The following GMPS variants were observed in gnomAD, a reference collection of about 807,000 sequenced individuals.
GMPS encodes the protein GMP synthase [glutamine-hydrolyzing].
Under a neutral mutation model 77.9 loss-of-function variants are expected in GMPS, and 15 were observed. The ratio of observed to expected loss-of-function variants is 0.19; its 90% CI spans 0.13 to 0.30. The LOEUF is 0.30. GMPS is among the 10% of genes least tolerant of loss of function. The pLI, the probability that GMPS is intolerant of heterozygous loss-of-function variation, is 1.00. For synonymous variants in GMPS, 224 were observed against 275.9 expected (o/e 0.81, Z 1.86); for missense variants, 590 against 838.8 (o/e 0.70, Z 3.66).
At chr3:155,888,208 CTTT>C (rs34327298) in intron 1 of GMPS, among the ~76,000 whole-genome samples, 66 of 134,838 alleles carry the variant, frequency 4.9e-4, no homozygotes, top group African/African-American at 6.9e-4. Context: ...TACCCAAAGG[CTTT>C]TTTTTTTTTT....
Position 155,941,397 on chromosome 3 carries a change from AGTCT to A in GMPS, c.*3706_*3709del, listed in dbSNP as rs1560057902. The A allele has an allele frequency of 9.8e-5, 14 of 142,692 alleles. No individual in the cohort carries two copies. The highest frequency in any genetic ancestry group is 4.5e-4 in the African/African-American group (13 of 28,596). 8.8% of individuals were successfully genotyped at this position (142,692 alleles called of 1,614,324 possible). A position where few individuals can be genotyped will look rare whatever the true frequency, so the allele number is the denominator to read the frequency against. ...CCGGCCTGGTGAAAGAGCGAGACTC[AGTCT>A]CAAAAAAAAAAAAAAAAGGAAGTTC... is the stretch of plus-strand genomic sequence containing the variant. On this transcript the variant is annotated 3_prime_UTR_variant, in exon 16 of 16. Coordinates refer to ENST00000496455, the MANE Select transcript of GMPS (RefSeq NM_003875.3).
chr3:155,899,235 G>A (rs965753989), intron 3 of GMPS, among the ~76,000 whole-genome samples: 7 of 152,140 alleles, frequency 4.6e-5, no homozygotes, highest in Non-Finnish European at 8.8e-5. Flanking sequence ...GGGCGTGGTG[G>A]CGCATGACTG....
chr3:155,924,355 G>C (rs1487030643), intron 11 of GMPS, among the ~76,000 whole-genome samples: 1 of 152,226 alleles, frequency 6.6e-6, no homozygotes, highest in Non-Finnish European at 1.5e-5. Context: ...AGGTAAAAAT[G>C]ATATCTACTT....
chr3:155,898,877 C>T (rs985318676), intron 3 of GMPS, among the ~76,000 whole-genome samples: 1 of 152,158 alleles, frequency 6.6e-6, no homozygotes. Context: ...AAGATGGTAT[C>T]TGTCGGGTGT....
Position 155,922,193 on chromosome 3 carries a change from GC to G in GMPS, c.1327del (p.Leu443TrpfsTer5). On this transcript the variant is annotated frameshift_variant, in exon 11 of 16. Transcript: ENST00000496455. LOFTEE classifies it high-confidence loss of function. ...LVSRHPFPGP[G>X]LAIRVICAEE... ...TTATTACTCCTACCTTTAGGTCCTGGCCTGGCAATCAGAGTAATATGTGCTG... is the reference window on the plus strand; with the variant it reads ...TTATTACTCCTACCTTTAGGTCCTGGCTGGCAATCAGAGTAATATGTGCTG... The G allele has an allele frequency of 6.9e-7, 1 of 1,439,916 alleles. No individual in the cohort carries two copies. The highest frequency in any genetic ancestry group is 9.5e-7 in the Non-Finnish European group (1 of 1,056,052). The allele number at this position is 1,439,916 out of a possible 1,614,324, so 89.2% of individuals were successfully genotyped here. A position where few individuals can be genotyped will look rare whatever the true frequency, so the allele number is the denominator to read the frequency against.
chr3:155,879,732 T>C, intron 1 of GMPS, among the ~76,000 whole-genome samples: 1 of 140,182 alleles, frequency 7.1e-6, no homozygotes, highest in South Asian at 2.3e-4. Context: ...TTTTTGCCCT[T>C]TTTTTTTTTT....
chr3:155,899,904 A>T (rs1029163089), intron 3 of GMPS, among the ~76,000 whole-genome samples: 1 of 152,156 alleles, frequency 6.6e-6, no homozygotes, highest in Admixed American at 6.5e-5. Context: ...AAGTTCTTCC[A>T]TGTCTTTTCA....
At chr3:155,870,558 G>T (rs1222294844), upstream of GMPS, 5 of 304,298 alleles carry the variant, frequency 1.6e-5, no homozygotes, top group Admixed American at 5.1e-5. Context: ...GTTTGGCGGC[G>T]GCTGCGGAGG....
chr3:155,884,574 T>A (rs895927592), intron 1 of GMPS, among the ~76,000 whole-genome samples: 3 of 152,122 alleles, frequency 2.0e-5, no homozygotes, highest in Admixed American at 6.6e-5. Flanking sequence ...AGGGGAAAAT[T>A]GGCGTTGTTT....
intron 1 of GMPS, among the ~76,000 whole-genome samples, chr3:155,873,338 A>T (rs1290901544): frequency 6.6e-6 from 1 of 151,970 alleles, no homozygotes; most frequent in Non-Finnish European, 1.5e-5. Context: ...CCCAAGCTGG[A>T]GTGCAGTGGT....
rs373717937 is a variant in GMPS at position 155,914,446 on chromosome 3, A to G, written c.914A>G (p.Asn305Ser). The stretch of plus-strand genomic sequence containing the variant: ...ATAAATGCTGCTCATTCTTTCTACA[A>G]TGGAACAACAACCCTACCAATATCA... ...KVINAAHSFY[N>S]GTTTLPISDE... The change falls in exon 8 of 16, where the codon AAT becomes AGT. Residue 305 changes from asparagine to serine, a missense_variant. Asn to Ser is a conservative substitution (Grantham distance 46). Transcript: ENST00000496455. 2 of 1,580,504 alleles carry G rather than the reference A, an allele frequency of 1.3e-6. No individual in the cohort carries two copies. The highest frequency in any genetic ancestry group is 1.7e-6 in the Non-Finnish European group (2 of 1,168,392).
upstream of GMPS, among the ~76,000 whole-genome samples, chr3:155,869,519 C>A (rs1753853557): frequency 6.6e-6 from 1 of 152,206 alleles, no homozygotes; most frequent in Non-Finnish European, 1.5e-5. Flanking sequence ...CTCAGGCCCA[C>A]TAGGACCTTA....
intron 2 of GMPS, among the ~76,000 whole-genome samples, chr3:155,896,696 C>G (rs556119383): frequency 6.8e-6 from 1 of 147,346 alleles, no homozygotes; most frequent in Non-Finnish European, 1.5e-5. Context: ...GCTGTGATTA[C>G]AGGTTTGAGC....
intron 3 of GMPS, among the ~76,000 whole-genome samples, chr3:155,900,840 C>T (rs1016017520): frequency 3.3e-5 from 5 of 152,110 alleles, no homozygotes; most frequent in Non-Finnish European, 5.9e-5. Context: ...GTCTAGCTAA[C>T]GTGTGTTTGT....
At chr3:155,913,388 C>T (rs1755088640) in intron 7 of GMPS, among the ~76,000 whole-genome samples, 1 of 152,126 alleles carries the variant, frequency 6.6e-6, no homozygotes, top group South Asian at 2.1e-4. Flanking sequence ...TTACAAGACA[C>T]TAGGGTGTGA....
At chr3:155,886,002 G>T (rs1429322089) in intron 1 of GMPS, among the ~76,000 whole-genome samples, 1 of 151,924 alleles carries the variant, frequency 6.6e-6, no homozygotes, top group Non-Finnish European at 1.5e-5. Flanking sequence ...TCTATTTTTA[G>T]TAGAGATGAG....
At chr3:155,898,374 A>T (rs908582299) in intron 3 of GMPS, among the ~76,000 whole-genome samples, 6 of 152,192 alleles carry the variant, frequency 3.9e-5, no homozygotes, top group African/African-American at 1.2e-4. Context: ...ACATTTTTGA[A>T]CCATTTGAAA....
chr3:155,934,205 T>C (rs1395233517), intron 13 of GMPS, among the ~76,000 whole-genome samples: 1 of 152,230 alleles, frequency 6.6e-6, no homozygotes, highest in East Asian at 1.9e-4. Flanking sequence ...AAGACACCTA[T>C]TTTTAAATTT....
At position 155,943,432 on chromosome 3, in the gene GMPS, G is replaced by A. The variant is rs1202544928; in HGVS notation, c.*5740G>A. 2.8e-5 allele frequency: 5 copies of A among 179,930 alleles called. No individual in the cohort carries two copies. Among genetic ancestry groups the A allele is most frequent in the Non-Finnish European group, 2.4e-5 (2 of 84,072 alleles). 11.1% of individuals were successfully genotyped at this position (179,930 alleles called of 1,614,324 possible). Reference sequence around the variant, plus strand: ...ATTCAAGTGGAGTATATATCTTCAAGAATACAGATTTTTAAGGTAAGTAGT... The same window carrying A: ...ATTCAAGTGGAGTATATATCTTCAAAAATACAGATTTTTAAGGTAAGTAGT... On this transcript the variant is annotated 3_prime_UTR_variant, in exon 16 of 16. Transcript: ENST00000496455.
Sources: allele counts gnomAD v4.1 joint callset (sites outside exome capture counted in the v4.1 genomes callset), GRCh38; gene constraint gnomAD v4.1.1; transcripts MANE v1.5; gene names NCBI Gene and HGNC (gene_info 2026-07-23, HGNC 2026-07-21).